Variants in NLN observed in about 807,000 individuals in gnomAD.
NLN encodes the protein neurolysin, mitochondrial.
A neutral mutation model predicts 79.9 loss-of-function variants in NLN; 64 were observed. That is an observed-to-expected ratio of 0.80 (90% CI 0.65 to 0.99). NLN has a LOEUF of 0.99. Ranked by LOEUF, NLN falls within the 50% of genes least tolerant of loss-of-function variation. NLN has a pLI of 0.00. For synonymous variants in NLN, 267 were observed against 296.6 expected, an observed-to-expected ratio of 0.90 and a Z score of 1.02; for missense variants, 835 against 858.7, an observed-to-expected ratio of 0.97 and a Z score of 0.34.
chr5:65,820,761 G>T (rs1025808568), intron 12 of NLN, among the ~76,000 whole-genome samples: 3 of 152,062 alleles, frequency 2.0e-5, no homozygotes, highest in East Asian at 3.9e-4. Context: ...CTAATTGAAG[G>T]CTGGGCACAG....
chr5:65,777,799 G>A (rs1394544738), intron 4 of NLN, among the ~76,000 whole-genome samples: 17 of 152,112 alleles, frequency 1.1e-4, no homozygotes. Context: ...TCGGATAAGG[G>A]ATACCCAATT....
chr5:65,776,541 A>G (rs1298864122), intron 3 of NLN, among the ~76,000 whole-genome samples: 1 of 152,206 alleles, frequency 6.6e-6, no homozygotes, highest in Non-Finnish European at 1.5e-5. Context: ...CTTTAGAAAC[A>G]AGTCCCTCAT....
intron 3 of NLN, among the ~76,000 whole-genome samples, chr5:65,769,724 A>G (rs252630): frequency 0.64 from 97,941 of 152,066 alleles, 33,117 homozygotes; most frequent in African/African-American, 0.86. Flanking sequence ...ATCTTATGAG[A>G]TAGGCTTTTT....
intron 9 of NLN, among the ~76,000 whole-genome samples, chr5:65,800,708 A>G (rs1309430019): frequency 1.0e-5 from 1 of 95,854 alleles, no homozygotes; most frequent in Non-Finnish European, 2.5e-5. Flanking sequence ...ATTTTGAGGC[A>G]GGGTCTCACT....
At chr5:65,796,824 T>C (rs975610176) in intron 9 of NLN, among the ~76,000 whole-genome samples, 2 of 152,186 alleles carry the variant, frequency 1.3e-5, no homozygotes, top group Non-Finnish European at 2.9e-5. Flanking sequence ...AAGAAACATA[T>C]AGTGAATTAA....
chr5:65,785,623 C>G, intron 6 of NLN, 152 bp from the exon 7 acceptor site: 1 of 467,684 alleles, frequency 2.1e-6, no homozygotes, highest in South Asian at 5.0e-5. Context: ...AAAAAAAAAG[C>G]CTATAACACC....
intron 12 of NLN, among the ~76,000 whole-genome samples, chr5:65,814,453 T>A (rs923101912): frequency 1.4e-4 from 21 of 152,202 alleles, no homozygotes; most frequent in African/African-American, 5.1e-4. Context: ...GCCTCCTTCA[T>A]CTGTGCATCT....
chr5:65,800,177 C>G (rs1006391834), intron 9 of NLN, among the ~76,000 whole-genome samples: 2 of 152,190 alleles, frequency 1.3e-5, no homozygotes, highest in African/African-American at 4.8e-5. Context: ...AGCAACTGTT[C>G]TCTTAATTAG....
chr5:65,775,136 A>G (rs1759652684), intron 3 of NLN, among the ~76,000 whole-genome samples: 1 of 152,202 alleles, frequency 6.6e-6, no homozygotes, highest in African/African-American at 2.4e-5. Flanking sequence ...TAACTTTAAC[A>G]TAGACTATGA....
At position 65,781,420 on chromosome 5, in the gene NLN, A is replaced by G; in HGVS notation, c.821A>G (p.Glu274Gly). The G allele has an allele frequency of 6.3e-7, 1 of 1,592,496 alleles. No individual in the cohort carries two copies. Among genetic ancestry groups the G allele is most frequent in the Non-Finnish European group, 8.6e-7 (1 of 1,164,426 alleles). Residue 274 changes from glutamate (E) to glycine (G), a missense_variant and splice_region_variant, in exon 6 of 13, where the codon GAG becomes GGG. By Grantham distance (98) the Glu-to-Gly change is moderately conservative. Transcript: ENST00000380985. ...MEMAFNTRCK[E>G]ENTIILQQLL... ...ATGGCTTTTAATACAAGGTGCAAAG[A>G]GGTATTATAAATGTTTGTCTTTCTT...
Position 65,812,377 on chromosome 5 carries a change from A to ATAGCAAACGT in NLN, c.1968_1969insGCAAACGTTA (p.Met657AlafsTer36). 1 of 1,551,782 alleles carries ATAGCAAACGT rather than the reference A, an allele frequency of 6.4e-7. No individual in the cohort carries two copies. Among genetic ancestry groups the ATAGCAAACGT allele is most frequent in the Non-Finnish European group, 8.9e-7 (1 of 1,123,722 alleles). On this transcript the variant is annotated frameshift_variant, in exon 12 of 13. Coordinates refer to ENST00000380985, the MANE Select transcript of NLN (RefSeq NM_020726.5). LOFTEE classifies it high-confidence loss of function. ...TTACAGCTGTTTTAAAAAAGAAGGG[A>ATAGCAAACGT]TAATGAATCCAGAGGTATAGTATTA...
intron 4 of NLN, among the ~76,000 whole-genome samples, chr5:65,779,784 A>G (rs1447518873): frequency 3.3e-5 from 5 of 152,240 alleles, no homozygotes; most frequent in Non-Finnish European, 5.9e-5. Context: ...ACACGTGGAC[A>G]TGACATAGTG....
intron 1 of NLN, among the ~76,000 whole-genome samples, chr5:65,755,796 T>A (rs2150744655): frequency 6.6e-6 from 1 of 152,226 alleles, no homozygotes; most frequent in Non-Finnish European, 1.5e-5. Context: ...TTGTGGAGAG[T>A]AAGTTGAAGA....
At chr5:65,763,984 T>C (rs1417050445) in intron 3 of NLN, among the ~76,000 whole-genome samples, 1 of 152,164 alleles carries the variant, frequency 6.6e-6, no homozygotes, top group Non-Finnish European at 1.5e-5. Context: ...TGAAAATAAC[T>C]TTATGATTAT....
intron 6 of NLN, among the ~76,000 whole-genome samples, chr5:65,784,862 A>C (rs920754802): frequency 6.6e-6 from 1 of 152,074 alleles, no homozygotes; most frequent in African/African-American, 2.4e-5. Context: ...GGCAATTACT[A>C]TTCTATTCTG....
intron 12 of NLN, 58 bp from the exon 13 acceptor site, chr5:65,822,723 G>C: frequency 7.2e-7 from 1 of 1,380,386 alleles, no homozygotes; most frequent in South Asian, 1.2e-5. Context: ...TTTGCATCTA[G>C]AGATTTGGAA....
chr5:65,744,706 C>T, intron 1 of NLN, among the ~76,000 whole-genome samples: 1 of 152,102 alleles, frequency 6.6e-6, no homozygotes, highest in Non-Finnish European at 1.5e-5. Flanking sequence ...CAAGACCAGC[C>T]TGGCCAACAT....
At chr5:65,791,213 G>A (rs769801778) in intron 8 of NLN, among the ~76,000 whole-genome samples, 42 of 152,162 alleles carry the variant, frequency 2.8e-4, no homozygotes, top group Non-Finnish European at 5.3e-4. Context: ...CTTGAGGCCA[G>A]GAGTTCAAGA....
At chr5:65,809,953 GT>G in intron 10 of NLN, 83 bp from the exon 11 acceptor site, 1 of 1,477,780 alleles carries the variant, frequency 6.8e-7, no homozygotes, top group Non-Finnish European at 9.3e-7. Context: ...ACTGGAATCT[GT>G]TTTTGGAATC....
Sources: allele counts gnomAD v4.1 joint callset (sites outside exome capture counted in the v4.1 genomes callset), GRCh38; gene constraint gnomAD v4.1.1; transcripts MANE v1.5; gene names NCBI Gene and HGNC (gene_info 2026-07-23, HGNC 2026-07-21).